The following RASGEF1C variants were observed in gnomAD, a reference collection of about 807,000 sequenced individuals.
RASGEF1C encodes ras-GEF domain-containing family member 1C.
RASGEF1C carries 27 observed loss-of-function variants against 58.1 expected under a neutral mutation model. That is an observed-to-expected ratio of 0.46 (90% CI 0.34 to 0.64). RASGEF1C has a LOEUF of 0.64. Among genes scored for constraint, RASGEF1C ranks in the 30% least tolerant of loss-of-function variants. The pLI is 0.01. For synonymous variants in RASGEF1C, 243 were observed against 246.3 expected (o/e 0.99, Z 0.13); for missense variants, 502 against 605.1 (o/e 0.83, Z 1.79).
At chr5:180,180,435 G>A (rs1459969382) in intron 1 of RASGEF1C, among the ~76,000 whole-genome samples, 2 of 152,248 alleles carry the variant, frequency 1.3e-5, no homozygotes, top group Non-Finnish European at 2.9e-5. Flanking sequence ...GGTGCACCAT[G>A]CTTTGGTTTG....
At chr5:180,187,430 C>A (rs1042876220) in intron 1 of RASGEF1C, among the ~76,000 whole-genome samples, 3 of 152,012 alleles carry the variant, frequency 2.0e-5, no homozygotes, top group African/African-American at 7.2e-5. Flanking sequence ...AAATTAAAAA[C>A]CTGTGTACAT....
chr5:180,187,253 A>G (rs1269566016), intron 1 of RASGEF1C, among the ~76,000 whole-genome samples: 2 of 152,238 alleles, frequency 1.3e-5, no homozygotes, highest in Non-Finnish European at 2.9e-5. Context: ...CTCTTACCAT[A>G]TATAATTATT....
chr5:180,171,990 G>T (rs1005763274), intron 1 of RASGEF1C, among the ~76,000 whole-genome samples: 2 of 152,192 alleles, frequency 1.3e-5, no homozygotes. Flanking sequence ...TGGGTTAGGG[G>T]TGGGGTCAGT....
chr5:180,188,529 C>A (rs1756081208), intron 1 of RASGEF1C, among the ~76,000 whole-genome samples: 1 of 152,142 alleles, frequency 6.6e-6, no homozygotes, highest in South Asian at 2.1e-4. Context: ...AACTCTCAGC[C>A]AACTAATAAT....
chr5:180,185,454 G>A (rs1376761380), intron 1 of RASGEF1C, among the ~76,000 whole-genome samples: 2 of 152,056 alleles, frequency 1.3e-5, no homozygotes, highest in Admixed American at 1.3e-4. Flanking sequence ...GCATGGTGGT[G>A]TGTGCCTGTA....
At chr5:180,185,755 A>T (rs936205189) in intron 1 of RASGEF1C, among the ~76,000 whole-genome samples, 18 of 152,152 alleles carry the variant, frequency 1.2e-4, no homozygotes, top group African/African-American at 4.3e-4. Flanking sequence ...AACCTGAATG[A>T]CTATATCTAT....
intron 1 of RASGEF1C, among the ~76,000 whole-genome samples, chr5:180,175,056 C>T (rs1041245300): frequency 2.0e-5 from 3 of 152,096 alleles, no homozygotes; most frequent in Non-Finnish European, 4.4e-5. Flanking sequence ...GGGGAAAGGC[C>T]CCAGCGGCCA....
chr5:180,134,037 A>C (rs1766423507), intron 4 of RASGEF1C, among the ~76,000 whole-genome samples: 1 of 152,172 alleles, frequency 6.6e-6, no homozygotes, highest in Non-Finnish European at 1.5e-5. Context: ...GTGGTTTCCC[A>C]GTCCGGATCT....
intron 1 of RASGEF1C, among the ~76,000 whole-genome samples, chr5:180,170,680 C>G (rs1423842329): frequency 6.6e-6 from 1 of 152,206 alleles, no homozygotes; most frequent in Admixed American, 6.5e-5. Context: ...ACCTGGCCCC[C>G]CAGCGGTGCT....
chr5:180,126,272 T>G (rs1766259140), intron 6 of RASGEF1C, among the ~76,000 whole-genome samples: 1 of 151,910 alleles, frequency 6.6e-6, no homozygotes, highest in African/African-American at 2.4e-5. Context: ...CCGGGTGTTG[T>G]GGTGGGCGCC....
intron 11 of RASGEF1C, among the ~76,000 whole-genome samples, chr5:180,113,096 TGGGGATGGAC>T (rs1765991004): frequency 1.6e-4 from 5 of 31,728 alleles, no homozygotes; most frequent in African/African-American, 5.3e-4. Flanking sequence ...ACAGAGGGAC[TGGGGATGGAC>T]GGAGGGACCG....
At chr5:180,162,202 C>T in intron 1 of RASGEF1C, among the ~76,000 whole-genome samples, 1 of 152,228 alleles carries the variant, frequency 6.6e-6, no homozygotes, top group East Asian at 1.9e-4. Flanking sequence ...CTCACAGGCC[C>T]TGCCTCCCTC....
At chr5:180,119,250 G>A in intron 8 of RASGEF1C, 96 bp downstream of exon 8, 1 of 1,043,026 alleles carries the variant, frequency 9.6e-7, no homozygotes, top group Non-Finnish European at 1.5e-6. Context: ...GCTCAGAGGA[G>A]AGCCCTGGCT....
intron 12 of RASGEF1C, among the ~76,000 whole-genome samples, chr5:180,108,657 C>T (rs555457713): frequency 6.6e-6 from 1 of 152,196 alleles, no homozygotes; most frequent in African/African-American, 2.4e-5. Context: ...TTCTAAAACT[C>T]CCATTGGCTC....
In RASGEF1C at chr5:180,143,119, G is replaced by C. The variant is rs1301458525; in HGVS notation, c.-6-5061C>G. Among the ~76,000 whole-genome samples the C allele has an allele frequency of 6.6e-6, 1 of 152,174 alleles. No individual in the cohort carries two copies. Among genetic ancestry groups the C allele is most frequent in the African/African-American group, 2.4e-5 (1 of 41,444 alleles). The stretch of plus-strand genomic sequence containing the variant: ...TCCTGCAGCAGTTCAAGAGACAGCA[G>C]GCGAGGATTGTGTGGGGTCAGGTCT... On this transcript the variant is annotated intron_variant, in intron 1 of 13. Coordinates refer to ENST00000361132, the MANE Select transcript of RASGEF1C (RefSeq NM_175062.4). The surrounding 1 kb of genome is among the most constrained non-coding windows in gnomAD (Gnocchi z 4.3).
chr5:180,109,088 A>T (rs992499694), intron 12 of RASGEF1C, among the ~76,000 whole-genome samples: 2 of 152,126 alleles, frequency 1.3e-5, no homozygotes, highest in Non-Finnish European at 2.9e-5. Flanking sequence ...GCCTCTCCTC[A>T]TGTGTCTTTA....
intron 11 of RASGEF1C, among the ~76,000 whole-genome samples, chr5:180,113,287 C>T (rs1388292069): frequency 5.1e-5 from 1 of 19,682 alleles, no homozygotes; most frequent in African/African-American, 2.4e-4. Flanking sequence ...CGGAGGGATC[C>T]AGGATGGACG....
intron 7 of RASGEF1C, among the ~76,000 whole-genome samples, chr5:180,119,959 A>G (rs1337853401): frequency 6.6e-6 from 1 of 152,138 alleles, no homozygotes; most frequent in African/African-American, 2.4e-5. Context: ...GCGCAGAACC[A>G]CACCATGTCC....
intron 1 of RASGEF1C, among the ~76,000 whole-genome samples, chr5:180,176,162 G>T (rs538304980): frequency 5.9e-5 from 9 of 152,214 alleles, no homozygotes; most frequent in Admixed American, 4.6e-4. Flanking sequence ...CTGGTTTGGG[G>T]TCTCTTAGAC....
Sources: gnomAD v4.1 joint callset for allele counts (sites outside exome capture counted in the v4.1 genomes callset) on GRCh38, gnomAD v4.1.1 for gene constraint, Gnocchi (gnomAD v3.1) non-coding constraint, MANE v1.5 for transcripts, NCBI Gene and HGNC (gene_info 2026-07-23, HGNC 2026-07-21) for gene names.